CPO: variants seen among roughly 807,000 people sequenced by gnomAD.
CPO encodes carboxypeptidase O, also known as metallocarboxypeptidase C.
In CPO, 43 loss-of-function variants were observed where a neutral mutation model predicts 41.2. The ratio of observed to expected loss-of-function variants is 1.04; its 90% CI spans 0.82 to 1.35. The LOEUF (loss-of-function observed/expected upper bound fraction) is 1.35, where lower values mean the gene tolerates loss of function less well. Among genes scored for constraint, CPO ranks in the 40% most tolerant of loss-of-function variants. CPO has a pLI of 0.00. For missense variants in CPO, 408 were observed against 451.7 expected (o/e 0.90, Z 0.88); for synonymous variants, 178 against 162.7 (o/e 1.09, Z -0.72).
chr2:206,941,517 T>A (rs1288703906), intron 1 of CPO, among the ~76,000 whole-genome samples: 6 of 152,086 alleles, frequency 3.9e-5, no homozygotes, highest in Non-Finnish European at 8.8e-5. Flanking sequence ...AACTTTAATT[T>A]AAAAAATTAG....
At chr2:206,965,720 C>T (rs1293917791) in intron 7 of CPO, among the ~76,000 whole-genome samples, 1 of 152,056 alleles carries the variant, frequency 6.6e-6, no homozygotes, top group African/African-American at 2.4e-5. Flanking sequence ...AGGAAATTCT[C>T]TGGGCCCAGA....
intron 1 of CPO, among the ~76,000 whole-genome samples, chr2:206,942,633 T>C (rs987140041): frequency 2.0e-5 from 3 of 152,146 alleles, no homozygotes; most frequent in African/African-American, 4.8e-5. Flanking sequence ...ATTTTCTCTA[T>C]TAAACATTTT....
chr2:206,969,419 T>G lies in CPO; in HGVS notation c.1108T>G (p.Cys370Gly). The G allele has an allele frequency of 6.2e-7, 1 of 1,614,078 alleles. No homozygotes were observed. The highest frequency in any genetic ancestry group is 8.5e-7 in the Non-Finnish European group (1 of 1,179,984). The change falls in exon 9 of 9, where the codon TGC becomes GGC. Residue 370 changes from cysteine to glycine, a missense_variant. By Grantham distance (159) the Cys-to-Gly change is radical. Coordinates refer to ENST00000272852, the MANE Select transcript of CPO (RefSeq NM_173077.3). ...TATGCTGCTGGGCCTGCTGGTGTCCTGCATGTCTCTTCTCTAAGTGCATTC... is the reference window on the plus strand; with the variant it reads ...TATGCTGCTGGGCCTGCTGGTGTCCGGCATGTCTCTTCTCTAAGTGCATTC... ...ATMLLGLLVS[C>G]MSLL
At chr2:206,941,380 G>T (rs1693027137) in intron 1 of CPO, among the ~76,000 whole-genome samples, 1 of 151,940 alleles carries the variant, frequency 6.6e-6, no homozygotes, top group Non-Finnish European at 1.5e-5. Flanking sequence ...AAATCTAATG[G>T]AGTACTTTAA....
intron 1 of CPO, among the ~76,000 whole-genome samples, chr2:206,943,055 G>A (rs1018634281): frequency 7.9e-5 from 12 of 152,110 alleles, no homozygotes; most frequent in Non-Finnish European, 1.8e-4. Context: ...AGGGTGTTAG[G>A]TTATCTTTAT....
In CPO at chr2:206,958,356, A is replaced by G; in HGVS notation, c.323A>G (p.His108Arg). Residue 108 changes from histidine (H) to arginine (R), a missense_variant, in exon 4 of 9, where the codon CAC becomes CGC. His to Arg is a conservative substitution (Grantham distance 29). Coordinates refer to ENST00000272852, the MANE Select transcript of CPO (RefSeq NM_173077.3). ...KKIIWMDCGI[H>R]AREWIAPAFC... ...ATCATTTGGATGGACTGTGGAATTC[A>G]CGCCAGAGAATGGATTGCTCCTGCT... 1 of 1,602,564 alleles carries G rather than the reference A, an allele frequency of 6.2e-7. No individual in the cohort carries two copies. Among genetic ancestry groups the G allele is most frequent in the East Asian group, 2.3e-5 (1 of 43,960 alleles).
rs752377148 is a variant in CPO at position 206,958,728 on chromosome 2, G to GTTTT, written c.372+350_372+353dup. On this transcript the variant is annotated intron_variant, in intron 4 of 8. Transcript: ENST00000272852. Reference sequence around the variant, plus strand: ...CTAATAGTATTTGGCAAATTTTCTAGTTTTTTTTTTTTTTTTTTTTTTTTT... The same window carrying GTTTT: ...CTAATAGTATTTGGCAAATTTTCTAGTTTTTTTTTTTTTTTTTTTTTTTTTTTTT... Among the ~76,000 whole-genome samples the GTTTT allele has an allele frequency of 1.5e-3, 80 of 53,332 alleles. 5 individuals are homozygous for GTTTT. The highest frequency in any genetic ancestry group is 4.0e-3 in the African/African-American group (59 of 14,622). 35.0% of individuals were successfully genotyped at this position (53,332 alleles called of 152,430 possible). A position where few individuals can be genotyped will look rare whatever the true frequency, so the allele number is the denominator to read the frequency against.
intron 1 of CPO, among the ~76,000 whole-genome samples, chr2:206,948,060 C>T (rs1310819630): frequency 6.6e-6 from 1 of 152,180 alleles, no homozygotes; most frequent in Non-Finnish European, 1.5e-5. Context: ...TATTATCCAA[C>T]CATTGCACTC....
chr2:206,944,125 C>A (rs60946975), intron 1 of CPO, among the ~76,000 whole-genome samples: 18,699 of 151,648 alleles, frequency 0.12, 1,323 homozygotes, highest in Middle Eastern at 0.26. Flanking sequence ...GAATATATAC[C>A]CACTGGGTGG....
At chr2:206,943,573 G>A (rs1369288064) in intron 1 of CPO, among the ~76,000 whole-genome samples, 3 of 148,376 alleles carry the variant, frequency 2.0e-5, no homozygotes, top group African/African-American at 7.5e-5. Context: ...TGTCATAAAA[G>A]AATAGTTAAG....
At chr2:206,967,401 C>T (rs895008286) in intron 7 of CPO, among the ~76,000 whole-genome samples, 1 of 149,538 alleles carries the variant, frequency 6.7e-6, no homozygotes, top group Non-Finnish European at 1.5e-5. Context: ...AGATTAAACA[C>T]TATAAGGAAA....
In CPO at chr2:206,958,305, G is replaced by A. The variant is rs1693409873; in HGVS notation, c.272G>A (p.Ser91Asn). 1.3e-6 allele frequency: 2 copies of A among 1,570,680 alleles called. No individual in the cohort carries two copies. The highest frequency in any genetic ancestry group is 1.8e-5 in the Admixed American group (1 of 56,656). The change falls in exon 4 of 9, where the codon AGC becomes AAC. Residue 91 changes from serine to asparagine, a missense_variant. Transcript: ENST00000272852. ...ETHPMYYLKI[S>N]QPSGNPKKII... ...GGGCATGGATATCTTCTCCAGATCA[G>A]CCAACCATCTGGTAATCCCAAGAAA...
At position 206,968,330 on chromosome 2, in the gene CPO, C is replaced by T. The variant is rs771123911; in HGVS notation, c.845C>T (p.Ser282Leu). ...AKYGTNYRVG[S>L]SADILYASSG... ...TATGGAACCAATTATAGAGTTGGATCGAGTGCAGATATTTTATGTAAGTAT... is the reference window on the plus strand; with the variant it reads ...TATGGAACCAATTATAGAGTTGGATTGAGTGCAGATATTTTATGTAAGTAT... The change falls in exon 8 of 9, where the codon TCG becomes TTG. Residue 282 changes from serine (S) to leucine (L), a missense_variant. By Grantham distance (145) the Ser-to-Leu change is moderately radical. Transcript: ENST00000272852. 10 of 1,605,262 alleles carry T rather than the reference C, an allele frequency of 6.2e-6. No individual in the cohort carries two copies. Among genetic ancestry groups the T allele is most frequent in the South Asian group, 1.1e-5 (1 of 90,870 alleles).
chr2:206,962,582 A>T lies in CPO; in HGVS notation c.745A>T (p.Thr249Ser), dbSNP rs1416552692. The T allele has an allele frequency of 6.2e-7, 1 of 1,614,004 alleles. No individual in the cohort carries two copies. The highest frequency in any genetic ancestry group is 8.5e-7 in the Non-Finnish European group (1 of 1,180,000). The part of the protein sequence containing the change: ...GQLILTPYGY[T>S]KNKSSNHPEM... ...GTTAATTCTCACACCTTACGGCTAC[A>T]CCAAAAATAAATCAAGTAACCACCC... Residue 249 changes from threonine (T) to serine (S), a missense_variant, in exon 7 of 9, where the codon ACC (threonine) becomes TCC (serine). Physicochemically the swap from Thr to Ser is moderately conservative, Grantham distance 58. Coordinates refer to ENST00000272852, the MANE Select transcript of CPO (RefSeq NM_173077.3).
At chr2:206,963,760 T>A (rs1217488565) in intron 7 of CPO, among the ~76,000 whole-genome samples, 3 of 152,228 alleles carry the variant, frequency 2.0e-5, no homozygotes, top group African/African-American at 7.2e-5. Context: ...CGGACACACT[T>A]GGGTTGCTTT....
chr2:206,951,051 C>T (rs1414656055), intron 2 of CPO, among the ~76,000 whole-genome samples: 1 of 151,162 alleles, frequency 6.6e-6, no homozygotes, highest in Non-Finnish European at 1.5e-5. Flanking sequence ...GCATGTTGTA[C>T]ACATGTATCC....
chr2:206,964,146 C>T (rs532659246), intron 7 of CPO, among the ~76,000 whole-genome samples: 113 of 152,276 alleles, frequency 7.4e-4, no homozygotes, highest in Middle Eastern at 6.8e-3. Flanking sequence ...CATCTCCCTC[C>T]GGAGCACGAC....
At chr2:206,949,585 C>G (rs1559070012) in intron 1 of CPO, 32 bp from the exon 2 acceptor site, 1 of 1,538,468 alleles carries the variant, frequency 6.5e-7, no homozygotes, top group East Asian at 2.3e-5. Flanking sequence ...AGTTTCACCA[C>G]TGCTTTTCCT....
chr2:206,962,702 C>T lies in CPO; in HGVS notation c.777+88C>T. ...GATTTCCATTTCCAAGATTTTGGCTCCAGCCACCCTTTTGTTCTCTCTGCT... is the reference window on the plus strand; with the variant it reads ...GATTTCCATTTCCAAGATTTTGGCTTCAGCCACCCTTTTGTTCTCTCTGCT... On this transcript the variant is annotated intron_variant, in intron 7 of 8. Coordinates refer to ENST00000272852, the MANE Select transcript of CPO (RefSeq NM_173077.3). The T allele has an allele frequency of 2.3e-5, 25 of 1,077,610 alleles. 1 individual carries two copies. Among genetic ancestry groups the T allele is most frequent in the Non-Finnish European group, 1.8e-5 (13 of 707,662 alleles). 66.8% of individuals were successfully genotyped at this position (1,077,610 alleles called of 1,614,324 possible).
Sources: gnomAD v4.1 joint callset for allele counts (sites outside exome capture counted in the v4.1 genomes callset) on GRCh38, gnomAD v4.1.1 for gene constraint, MANE v1.5 for transcripts, NCBI Gene and HGNC (gene_info 2026-07-23, HGNC 2026-07-21) for gene names.